Variants in SLC38A8 observed in about 807,000 individuals in gnomAD.
The protein encoded by SLC38A8 is amino acid transporter SLC38A8.
A neutral mutation model predicts 46.0 loss-of-function variants in SLC38A8; 65 were observed. The ratio of observed to expected loss-of-function variants is 1.41; its 90% CI spans 1.16 to 1.74. The LOEUF (loss-of-function observed/expected upper bound fraction) is 1.74, where lower values mean the gene tolerates loss of function less well. SLC38A8 is among the 40% of genes most tolerant of loss of function. The pLI is 0.00. For synonymous variants in SLC38A8, 447 were observed against 243.7 expected, an observed-to-expected ratio of 1.83 and a Z score of -7.77; for missense variants, 998 against 567.9, an observed-to-expected ratio of 1.76 and a Z score of -7.70.
intron 5 of SLC38A8, among the ~76,000 whole-genome samples, chr16:84,030,884 G>C (rs7195745): frequency 6.6e-6 from 1 of 151,684 alleles, no homozygotes; most frequent in Non-Finnish European, 1.5e-5. Flanking sequence ...TGGGAAATCC[G>C]ATCTCAAGCA....
chr16:84,039,047 G>C (rs1362556367), intron 2 of SLC38A8, among the ~76,000 whole-genome samples: 1 of 152,182 alleles, frequency 6.6e-6, no homozygotes, highest in Non-Finnish European at 1.5e-5. Context: ...GGTCATCTTG[G>C]ATCTGGTGGG....
At position 84,012,895 on chromosome 16, in the gene SLC38A8, C is replaced by T. The variant is rs555478976; in HGVS notation, c.1214+106G>A. Reference sequence around the variant, plus strand: ...TTCCTGTGGCTCGCAGGTTTCTCACCTGCAGGATGCAGAGGATGAGAAATA... The same window carrying T: ...TTCCTGTGGCTCGCAGGTTTCTCACTTGCAGGATGCAGAGGATGAGAAATA... On this transcript the variant is annotated intron_variant, in intron 10 of 10. Transcript: ENST00000299709. 1.4e-4 allele frequency: 181 copies of T among 1,278,438 alleles called. No homozygotes were observed. In the East Asian group the frequency reaches 3.8e-3, roughly 27 times the overall value. The allele number at this position is 1,278,438 out of a possible 1,614,324, so 79.2% of individuals were successfully genotyped here. A position where few individuals can be genotyped will look rare whatever the true frequency, so the allele number is the denominator to read the frequency against.
intron 7 of SLC38A8, among the ~76,000 whole-genome samples, chr16:84,021,212 C>T (rs769979367): frequency 4.6e-5 from 7 of 152,132 alleles, no homozygotes; most frequent in East Asian, 1.9e-4. Context: ...ACAGGTGCCC[C>T]GCCACCATGC....
Position 84,042,103 on chromosome 16 carries a change from T to G in SLC38A8, c.55A>C (p.Thr19Pro), listed in dbSNP as rs1309763721. 4 of 1,613,928 alleles carry G rather than the reference T, an allele frequency of 2.5e-6. No homozygotes were observed. In the South Asian group the frequency reaches 3.3e-5, roughly 13 times the overall value. Residue 19 changes from threonine to proline, a missense_variant, in exon 2 of 11, where the codon ACG becomes CCG. Transcript: ENST00000299709. ...ATCGAGGACAGAGTGGCAGCAGCCGTGGCAGGGTGAGGCTTTTCTGGAAGG... is the reference window on the plus strand; with the variant it reads ...ATCGAGGACAGAGTGGCAGCAGCCGGGGCAGGGTGAGGCTTTTCTGGAAGG... Reference protein sequence around the residue: ...RGLPEKPHPATAAATLSSMGA... With the variant: ...RGLPEKPHPAPAAATLSSMGA...
chr16:84,020,003 C>T (rs1045725769), intron 7 of SLC38A8, among the ~76,000 whole-genome samples: 11 of 152,248 alleles, frequency 7.2e-5, no homozygotes, highest in East Asian at 3.8e-4. Flanking sequence ...CTGAAGTTCT[C>T]GCAGGCAGGT....
At chr16:84,043,197 G>A (rs1005652378), upstream of SLC38A8, among the ~76,000 whole-genome samples, 2 of 152,182 alleles carry the variant, frequency 1.3e-5, no homozygotes, top group Admixed American at 1.3e-4. Context: ...TTGAACGCTT[G>A]GGGGAGGCGG....
chr16:84,022,663 C>A, intron 7 of SLC38A8, 112 bp downstream of exon 7: 1 of 780,206 alleles, frequency 1.3e-6, no homozygotes, highest in Non-Finnish European at 2.1e-6. Flanking sequence ...ATGCTCAAAA[C>A]ATTGAGTATT....
intron 7 of SLC38A8, among the ~76,000 whole-genome samples, chr16:84,022,524 C>G (rs907137337): frequency 9.9e-5 from 15 of 152,200 alleles, no homozygotes; most frequent in African/African-American, 3.6e-4. Flanking sequence ...GACGGCTAGG[C>G]TGGAGTTCAG....
Position 84,011,617 on chromosome 16 carries a change from C to T in SLC38A8, c.1214+1384G>A, listed in dbSNP as rs561084144. Among the ~76,000 whole-genome samples, 4 of 152,304 alleles carry T rather than the reference C, an allele frequency of 2.6e-5. No individual in the cohort carries two copies. In the South Asian group the frequency reaches 8.3e-4, roughly 32 times the overall value. ...CATGTCTACCTGGAACCTGTGCTTG[C>T]CAGCTTATCTGGAAACTGGGTTTTG... On this transcript the variant is annotated intron_variant, in intron 10 of 10. Transcript: ENST00000299709.
intron 10 of SLC38A8, among the ~76,000 whole-genome samples, chr16:84,011,004 C>G (rs914480783): frequency 6.6e-6 from 1 of 152,142 alleles, no homozygotes; most frequent in Non-Finnish European, 1.5e-5. Flanking sequence ...AGAGCGATAA[C>G]AAGATTCCCA....
Position 84,016,685 on chromosome 16 carries a change from T to TC in SLC38A8, c.995dup (p.Trp333MetfsTer35), listed in dbSNP as rs752163032. On this transcript the variant is annotated frameshift_variant, in exon 9 of 11. Transcript: ENST00000299709. LOFTEE classifies it high-confidence loss of function. The stretch of plus-strand genomic sequence containing the variant: ...GGTCGGCCAGGGCGCTGGGCCCCCA[T>TC]CCCCCCAAGCAGCTCCTCCTCCAGA... 1.9e-5 allele frequency: 30 copies of TC among 1,613,022 alleles called. No homozygotes were observed. The East Asian group carries it at 6.5e-4, about 35-fold the overall frequency.
chr16:84,013,434 T>TTTGTTG lies in SLC38A8; in HGVS notation c.1163-383_1163-382insCAACAA, dbSNP rs1567689188. ...TTTTGTTGTGTGTGTGTTTTTTTTTTTTTTTTTTTTTTTTTGAGACGGAGT... is the reference window on the plus strand; with the variant it reads ...TTTTGTTGTGTGTGTGTTTTTTTTTTTTGTTGTTTTTTTTTTTTTTTGAGACGGAGT... On this transcript the variant is annotated intron_variant, in intron 9 of 10. Coordinates refer to ENST00000299709, the MANE Select transcript of SLC38A8 (RefSeq NM_001080442.3). Among the ~76,000 whole-genome samples, 113 of 127,022 alleles carry TTTGTTG rather than the reference T, an allele frequency of 8.9e-4. 2 individuals are homozygous for TTTGTTG. In the South Asian group the frequency reaches 0.011, roughly 12 times the overall value. The allele number at this position is 127,022 out of a possible 152,430, so 83.3% of individuals were successfully genotyped here.
chr16:84,035,012 G>A (rs900479177), intron 3 of SLC38A8, among the ~76,000 whole-genome samples: 1 of 152,104 alleles, frequency 6.6e-6, no homozygotes, highest in Non-Finnish European at 1.5e-5. Context: ...TCAGAAGCTT[G>A]GCCTTCCCTA....
At chr16:84,024,560 C>T (rs1344725222) in intron 6 of SLC38A8, among the ~76,000 whole-genome samples, 1 of 151,968 alleles carries the variant, frequency 6.6e-6, no homozygotes, top group Admixed American at 6.5e-5. Context: ...GCGTGTGGAT[C>T]ACCTGAGGTC....
intron 2 of SLC38A8, chr16:84,041,372 G>A (rs111935543): frequency 0.026 from 4,036 of 152,710 alleles, 83 homozygotes; most frequent in Non-Finnish European, 0.043. Context: ...AGGCTGGAGC[G>A]CACAGTCTCA....
chr16:84,037,639 T>C (rs1464593120), intron 2 of SLC38A8, among the ~76,000 whole-genome samples: 1 of 151,904 alleles, frequency 6.6e-6, no homozygotes, highest in Non-Finnish European at 1.5e-5. Context: ...CAGATGCCTG[T>C]AGTCCCAGCT....
intron 6 of SLC38A8, among the ~76,000 whole-genome samples, chr16:84,028,046 T>C (rs1452550177): frequency 1.6e-5 from 1 of 61,160 alleles, no homozygotes; most frequent in Non-Finnish European, 4.4e-5. Context: ...TGTTTCAAGA[T>C]TTTTTTTTTT....
chr16:84,016,064 G>A (rs1040839475), intron 9 of SLC38A8, among the ~76,000 whole-genome samples: 16 of 147,626 alleles, frequency 1.1e-4, no homozygotes, highest in Non-Finnish European at 1.9e-4. Context: ...ATGGCAAAAG[G>A]CAAATAAGGA....
chr16:84,015,721 T>C (rs2085017405), intron 9 of SLC38A8, among the ~76,000 whole-genome samples: 1 of 152,184 alleles, frequency 6.6e-6, no homozygotes, highest in Non-Finnish European at 1.5e-5. Flanking sequence ...TTTGTTTTGT[T>C]TGAGATGGAG....
Sources: allele counts gnomAD v4.1 joint callset (sites outside exome capture counted in the v4.1 genomes callset), GRCh38; gene constraint gnomAD v4.1.1; transcripts MANE v1.5; gene names NCBI Gene and HGNC (gene_info 2026-07-23, HGNC 2026-07-21).